AKR1C8: variants seen among roughly 807,000 people sequenced by gnomAD.
AKR1C8 encodes the protein aldo-keto reductase family 1 member C8.
the AKR1C8 span, among the ~76,000 whole-genome samples, chr10:5,156,719 G>C: frequency 2.0e-5 from 3 of 152,092 alleles, no homozygotes; most frequent in African/African-American, 7.2e-5. Flanking sequence ...GGCATTTTTT[G>C]TTTAAGTTGT....
the AKR1C8 span, among the ~76,000 whole-genome samples, chr10:5,144,995 T>A: frequency 1.3e-5 from 2 of 150,488 alleles, no homozygotes; most frequent in Admixed American, 6.6e-5. Context: ...CAGTATGATA[T>A]TGGCTGTGGG....
chr10:5,131,933 C>A, the AKR1C8 span, among the ~76,000 whole-genome samples: 1 of 152,132 alleles, frequency 6.6e-6, no homozygotes, highest in Non-Finnish European at 1.5e-5. Flanking sequence ...TAAAACCAAC[C>A]TAAGAGTCCG....
the AKR1C8 span, chr10:5,157,937 C>T: frequency 2.9e-6 from 1 of 341,756 alleles, no homozygotes; most frequent in Non-Finnish European, 5.8e-6. Flanking sequence ...GGTCTGATAA[C>T]TATTCATATG....
the AKR1C8 span, among the ~76,000 whole-genome samples, chr10:5,130,207 G>C: frequency 1.3e-5 from 2 of 151,720 alleles, no homozygotes; most frequent in African/African-American, 2.4e-5. Context: ...AAAGCAATTG[G>C]TAAAATCCGC....
At chr10:5,166,541 G>T in the AKR1C8 span, among the ~76,000 whole-genome samples, 2 of 152,138 alleles carry the variant, frequency 1.3e-5, no homozygotes, top group Admixed American at 6.5e-5. Flanking sequence ...ATGGGGAAAT[G>T]ATTCCCTATT....
the AKR1C8 span, among the ~76,000 whole-genome samples, chr10:5,120,439 G>A: frequency 1.1e-4 from 16 of 152,178 alleles, no homozygotes; most frequent in South Asian, 3.3e-3. Context: ...ATTACTTGTA[G>A]GAATTCTTGT....
the AKR1C8 span, among the ~76,000 whole-genome samples, chr10:5,180,410 G>C: frequency 6.6e-6 from 1 of 152,218 alleles, no homozygotes; most frequent in Non-Finnish European, 1.5e-5. Flanking sequence ...CAGTTAGGCT[G>C]CTCGGGGGTT....
At chr10:5,147,965 T>C in the AKR1C8 span, among the ~76,000 whole-genome samples, 2 of 152,192 alleles carry the variant, frequency 1.3e-5, no homozygotes, top group Non-Finnish European at 2.9e-5. Flanking sequence ...GGCTTCTGCC[T>C]GGCTCAGCGA....
chr10:5,132,957 A>G, the AKR1C8 span, among the ~76,000 whole-genome samples: 153 of 152,218 alleles, frequency 1.0e-3, 1 homozygote, highest in African/African-American at 3.5e-3. Context: ...GTATCCCTGG[A>G]CCTCTTCAAT....
chr10:5,117,780 G>A, the AKR1C8 span, among the ~76,000 whole-genome samples: 5 of 152,140 alleles, frequency 3.3e-5, no homozygotes, highest in Non-Finnish European at 7.4e-5. Context: ...AGAGAGGAAA[G>A]TAAGGTGCCA....
At chr10:5,163,076 A>C in the AKR1C8 span, 1 of 464,018 alleles carries the variant, frequency 2.2e-6, no homozygotes, top group Non-Finnish European at 4.5e-6. Context: ...AAATCAATGC[A>C]TTTCCCCCAA....
At chr10:5,160,499 A>G in the AKR1C8 span, among the ~76,000 whole-genome samples, 1 of 152,152 alleles carries the variant, frequency 6.6e-6, no homozygotes, top group East Asian at 1.9e-4. Context: ...ATGTGTTTCT[A>G]TCCAAAGATA....
the AKR1C8 span, among the ~76,000 whole-genome samples, chr10:5,168,794 T>C: frequency 6.6e-6 from 1 of 152,074 alleles, no homozygotes; most frequent in African/African-American, 2.4e-5. Flanking sequence ...CAATATCCCT[T>C]GAAAACCCTA....
the AKR1C8 span, among the ~76,000 whole-genome samples, chr10:5,116,964 A>G: frequency 1.3e-5 from 2 of 152,206 alleles, no homozygotes; most frequent in Non-Finnish European, 2.9e-5. Flanking sequence ...GATGAATCCA[A>G]TCTCTCCAAA....
chr10:5,139,948 A>G, the AKR1C8 span, among the ~76,000 whole-genome samples: 10 of 152,218 alleles, frequency 6.6e-5, no homozygotes, highest in Non-Finnish European at 1.0e-4. Context: ...ACAAATTCAC[A>G]AGAAAAAATC....
chr10:5,124,797 C>A, the AKR1C8 span, among the ~76,000 whole-genome samples: 2 of 152,094 alleles, frequency 1.3e-5, no homozygotes, highest in East Asian at 1.9e-4. Flanking sequence ...GATCTGGCCA[C>A]CATTAACTTA....
the AKR1C8 span, among the ~76,000 whole-genome samples, chr10:5,183,534 A>G: frequency 6.6e-6 from 1 of 152,246 alleles, no homozygotes. Flanking sequence ...AACACCACAC[A>G]TAAACATATC....
chr10:5,116,156 C>T, the AKR1C8 span, among the ~76,000 whole-genome samples: 1 of 152,140 alleles, frequency 6.6e-6, no homozygotes, highest in South Asian at 2.1e-4. Flanking sequence ...CTCTTCCTTA[C>T]CTCTGTTGTG....
At chr10:5,146,629 A>G in the AKR1C8 span, among the ~76,000 whole-genome samples, 2 of 152,296 alleles carry the variant, frequency 1.3e-5, no homozygotes, top group African/African-American at 2.4e-5. Context: ...GACTCTATAT[A>G]TGATACTTTT....
Sources: gnomAD v4.1 joint callset for allele counts (sites outside exome capture counted in the v4.1 genomes callset) on GRCh38, gnomAD v4.1.1 for gene constraint, MANE v1.5 for transcripts, NCBI Gene and HGNC (gene_info 2026-07-23, HGNC 2026-07-21) for gene names.